Variants in CACNA1A observed in about 807,000 individuals in gnomAD.
CACNA1A encodes voltage-dependent P/Q-type calcium channel subunit alpha-1A.
A neutral mutation model predicts 262.4 loss-of-function variants in CACNA1A; 57 were observed. That is an observed-to-expected ratio of 0.22 (90% CI 0.18 to 0.27). CACNA1A has a LOEUF of 0.27. Ranked by LOEUF, CACNA1A falls within the 10% of genes least tolerant of loss-of-function variation. The pLI is 1.00. For synonymous variants in CACNA1A, 1,431 were observed against 1,419.3 expected (o/e 1.01, Z -0.18); for missense variants, 2,526 against 3,562.8 (o/e 0.71, Z 7.41).
intron 3 of CACNA1A, among the ~76,000 whole-genome samples, chr19:13,428,125 AC>A (rs1289689412): frequency 6.6e-6 from 1 of 152,130 alleles, no homozygotes; most frequent in Non-Finnish European, 1.5e-5. Flanking sequence ...ACAGGGTTTC[AC>A]CCTGTTGGTC....
At position 13,486,481 on chromosome 19, in the gene CACNA1A, T is replaced by C. The variant is rs1354746223; in HGVS notation, c.293+19451A>G. On this transcript the variant is annotated intron_variant, in intron 1 of 46. Transcript: ENST00000360228. ...AAGACACATACACCAACCAACAGTT[T>C]ATGCTGAGAAAGAGAAAAGGGGAAA... Among the ~76,000 whole-genome samples the C allele has an allele frequency of 2.0e-5, 3 of 152,012 alleles. 1 individual carries two copies. The highest frequency in any genetic ancestry group is 4.4e-5 in the Non-Finnish European group (3 of 68,018).
chr19:13,257,609 A>G, intron 27 of CACNA1A, 58 bp from the exon 28 acceptor site: 9 of 1,105,654 alleles, frequency 8.1e-6, no homozygotes, highest in Non-Finnish European at 1.2e-5. Flanking sequence ...CAGGGACCCA[A>G]GGGGTGATGA....
In CACNA1A at chr19:13,506,372, C is replaced by A. The variant is rs567355652; in HGVS notation, c.-148G>T. On this transcript the variant is annotated 5_prime_UTR_variant, in exon 1 of 47. Coordinates refer to ENST00000360228, the MANE Select transcript of CACNA1A (RefSeq NM_001127222.2). ...ACTGCGGAGACGCTCCACGGCCCAG[C>A]CCATCGGGCGGCGGCGGCTCGGCGC... 289 of 641,562 alleles carry A rather than the reference C, an allele frequency of 4.5e-4. 3 individuals carry two copies. The Middle Eastern group carries it at 0.011, about 25-fold the overall frequency. The allele number at this position is 641,562 out of a possible 1,614,324, so 39.7% of individuals were successfully genotyped here. A position where few individuals can be genotyped will look rare whatever the true frequency, so the allele number is the denominator to read the frequency against.
At chr19:13,270,735 G>A (rs528056550) in intron 24 of CACNA1A, among the ~76,000 whole-genome samples, 2 of 152,224 alleles carry the variant, frequency 1.3e-5, no homozygotes, top group South Asian at 2.1e-4. Flanking sequence ...GTACCAGATG[G>A]ACTCTTGACA....
chr19:13,432,120 A>T lies in CACNA1A; in HGVS notation c.539+20756T>A, dbSNP rs902135659. ...CTCCGTCTCAAAAAAAAAAAAAAAAAAAAAAATTTTAGGCCAGGTGCAGTG... is the reference window on the plus strand; with the variant it reads ...CTCCGTCTCAAAAAAAAAAAAAAAATAAAAAATTTTAGGCCAGGTGCAGTG... On this transcript the variant is annotated intron_variant, in intron 3 of 46. Coordinates refer to ENST00000360228, the MANE Select transcript of CACNA1A (RefSeq NM_001127222.2). Among the ~76,000 whole-genome samples, 133 of 151,274 alleles carry T rather than the reference A, an allele frequency of 8.8e-4. 1 individual carries two copies. Among genetic ancestry groups the T allele is most frequent in the African/African-American group, 3.1e-3 (126 of 41,204 alleles).
intron 4 of CACNA1A, among the ~76,000 whole-genome samples, chr19:13,367,715 G>C (rs1438824510): frequency 6.6e-6 from 1 of 151,944 alleles, no homozygotes; most frequent in South Asian, 2.1e-4. Context: ...GTGAAAGTGC[G>C]AGATTCCATC....
intron 1 of CACNA1A, among the ~76,000 whole-genome samples, chr19:13,456,740 T>C (rs1484566216): frequency 6.6e-6 from 1 of 151,742 alleles, no homozygotes; most frequent in Admixed American, 6.6e-5. Flanking sequence ...AATTGAAAAA[T>C]GGACAGGAGG....
intron 3 of CACNA1A, among the ~76,000 whole-genome samples, chr19:13,422,697 G>C (rs2060337440): frequency 6.6e-6 from 1 of 152,210 alleles, no homozygotes; most frequent in Non-Finnish European, 1.5e-5. Flanking sequence ...GAGTGTGCTG[G>C]AGACCCAGCA....
At chr19:13,457,183 T>C (rs1409190246) in intron 1 of CACNA1A, among the ~76,000 whole-genome samples, 2 of 151,556 alleles carry the variant, frequency 1.3e-5, no homozygotes, top group African/African-American at 2.4e-5. Context: ...CCCCAGGAGG[T>C]TGAGGCTGCA....
At chr19:13,288,364 C>T (rs967518990) in intron 19 of CACNA1A, among the ~76,000 whole-genome samples, 26 of 151,884 alleles carry the variant, frequency 1.7e-4, no homozygotes, top group Non-Finnish European at 3.2e-4. Context: ...CTCAGCCTCC[C>T]GAATAGCTGG....
chr19:13,394,463 T>C (rs1271925858), intron 3 of CACNA1A, among the ~76,000 whole-genome samples: 2 of 152,232 alleles, frequency 1.3e-5, no homozygotes, highest in African/African-American at 2.4e-5. Context: ...AGGTGAAGGT[T>C]TGAAGCAGGG....
intron 36 of CACNA1A, 171 bp downstream of exon 36, chr19:13,229,911 G>A (rs988513427): frequency 2.9e-6 from 2 of 701,180 alleles, no homozygotes; most frequent in Non-Finnish European, 4.5e-6. Flanking sequence ...TGTTTAATCT[G>A]GGGTATGCAA....
chr19:13,283,401 T>C lies in CACNA1A; in HGVS notation c.3693-5A>G. The C allele has an allele frequency of 3.1e-6, 5 of 1,613,904 alleles. No homozygotes were observed. Among genetic ancestry groups the C allele is most frequent in the Non-Finnish European group, 4.2e-6 (5 of 1,179,826 alleles). ...TAATGGCACAGGCGGCGAAGGCTGT[T>C]GGAGACAGATGGGCGTGCAGAGGTC... On this transcript the variant is annotated splice_polypyrimidine_tract_variant and splice_region_variant and intron_variant, in intron 21 of 46. Transcript: ENST00000360228.
At chr19:13,433,483 A>AAAAAAAAAAAAAAAAAAAT (rs2060557017) in intron 3 of CACNA1A, among the ~76,000 whole-genome samples, 1 of 140,470 alleles carries the variant, frequency 7.1e-6, no homozygotes, top group Non-Finnish European at 1.5e-5. Context: ...AAAAAAAAAA[A>AAAAAAAAAAAAAAAAAAAT]GTCAGCTGAA....
At chr19:13,390,911 G>A (rs1202220285) in intron 3 of CACNA1A, among the ~76,000 whole-genome samples, 2 of 151,300 alleles carry the variant, frequency 1.3e-5, no homozygotes, top group Non-Finnish European at 1.5e-5. Flanking sequence ...TTTTTTGGAC[G>A]GAGTCTTGCT....
rs536999879 is a variant in CACNA1A at position 13,473,010 on chromosome 19, C to T, written c.294-17798G>A. ...GCTCACACCTGTAATCCCAGCACTT[C>T]GGGAGGCTGAGGAGGGAGGATCACT... is the stretch of plus-strand genomic sequence containing the variant. On this transcript the variant is annotated intron_variant, in intron 1 of 46. Coordinates refer to ENST00000360228, the MANE Select transcript of CACNA1A (RefSeq NM_001127222.2). Among the ~76,000 whole-genome samples the T allele has an allele frequency of 2.1e-4, 32 of 152,072 alleles. No individual in the cohort carries two copies. The South Asian group carries it at 4.6e-3, about 22-fold the overall frequency.
intron 3 of CACNA1A, among the ~76,000 whole-genome samples, chr19:13,442,903 C>T (rs1045842216): frequency 6.6e-6 from 1 of 152,178 alleles, no homozygotes; most frequent in African/African-American, 2.4e-5. Context: ...GCAAACTTGA[C>T]CTTAGAGAAA....
intron 6 of CACNA1A, among the ~76,000 whole-genome samples, chr19:13,355,632 G>A (rs2058995457): frequency 6.6e-6 from 1 of 152,072 alleles, no homozygotes; most frequent in Non-Finnish European, 1.5e-5. Flanking sequence ...ACTGGATGGG[G>A]GCTGCTCCTA....
At chr19:13,344,157 T>C (rs2058721508) in intron 6 of CACNA1A, among the ~76,000 whole-genome samples, 1 of 144,012 alleles carries the variant, frequency 6.9e-6, no homozygotes, top group South Asian at 2.2e-4. Flanking sequence ...GAGGTTGCAG[T>C]GAGTCAAGAT....
Sources: allele counts gnomAD v4.1 joint callset (sites outside exome capture counted in the v4.1 genomes callset), GRCh38; gene constraint gnomAD v4.1.1; transcripts MANE v1.5; gene names NCBI Gene and HGNC (gene_info 2026-07-23, HGNC 2026-07-21).